Variants in MTCL2 observed in about 807,000 individuals in gnomAD.
MTCL2 encodes microtubule crosslinking factor 2.
At chr20:36,786,760 G>T in the MTCL2 span, 3 of 953,698 alleles carry the variant, frequency 3.1e-6, no homozygotes, top group South Asian at 1.7e-5. Flanking sequence ...CCCAGGGGCT[G>T]AAGCTCCTCA....
the MTCL2 span, among the ~76,000 whole-genome samples, chr20:36,811,567 T>C: frequency 6.6e-6 from 1 of 151,560 alleles, no homozygotes; most frequent in East Asian, 1.9e-4. Flanking sequence ...GAAATGGAGG[T>C]TACAGTGAGC....
At chr20:36,856,376 T>A in the MTCL2 span, among the ~76,000 whole-genome samples, 1 of 152,222 alleles carries the variant, frequency 6.6e-6, no homozygotes, top group African/African-American at 2.4e-5. Flanking sequence ...CCAGCCAGAA[T>A]GGGGCACCCT....
chr20:36,832,423 C>A, the MTCL2 span, among the ~76,000 whole-genome samples: 4 of 152,218 alleles, frequency 2.6e-5, no homozygotes, highest in Non-Finnish European at 5.9e-5. Context: ...GGTTCATGAA[C>A]AACTCTATGG....
chr20:36,854,767 C>A, the MTCL2 span, among the ~76,000 whole-genome samples: 1 of 152,192 alleles, frequency 6.6e-6, no homozygotes, highest in Non-Finnish European at 1.5e-5. Flanking sequence ...AGAGGCTGAG[C>A]TTTTCCTTGT....
the MTCL2 span, chr20:36,777,694 A>C: frequency 1.2e-5 from 6 of 509,424 alleles, no homozygotes; most frequent in Non-Finnish European, 2.1e-5. Context: ...CTTCCCTCCC[A>C]TGGGCCTTGC....
the MTCL2 span, among the ~76,000 whole-genome samples, chr20:36,828,109 A>G: frequency 1.3e-5 from 2 of 152,360 alleles, no homozygotes; most frequent in South Asian, 2.1e-4. Flanking sequence ...GCCTGCAGCG[A>G]GGAGTGTGCC....
At chr20:36,809,578 CTTT>C in the MTCL2 span, among the ~76,000 whole-genome samples, 6 of 124,170 alleles carry the variant, frequency 4.8e-5, no homozygotes, top group Admixed American at 8.2e-5. Context: ...TTCTTTCATT[CTTT>C]TTTTTTTTTT....
chr20:36,780,822 T>C, the MTCL2 span: 1 of 152,204 alleles, frequency 6.6e-6, no homozygotes, highest in African/African-American at 2.4e-5. Context: ...GAAAACATCC[T>C]TGCATCTTAG....
At chr20:36,808,201 C>A in the MTCL2 span, among the ~76,000 whole-genome samples, 20 of 150,460 alleles carry the variant, frequency 1.3e-4, no homozygotes, top group South Asian at 3.9e-3. Context: ...ACTTAAAATA[C>A]AAAAATTAGC....
the MTCL2 span, among the ~76,000 whole-genome samples, chr20:36,831,920 T>G: frequency 6.6e-6 from 1 of 152,322 alleles, no homozygotes; most frequent in Non-Finnish European, 1.5e-5. Flanking sequence ...TTCCATTCAT[T>G]AACTCACTCA....
At chr20:36,777,666 C>T in the MTCL2 span, 2 of 483,824 alleles carry the variant, frequency 4.1e-6, no homozygotes, top group Non-Finnish European at 7.5e-6. Context: ...ACAGTTGGCC[C>T]AAGGATGCCC....
At chr20:36,783,618 A>T in the MTCL2 span, 1 of 219,960 alleles carries the variant, frequency 4.5e-6, no homozygotes, top group Non-Finnish European at 7.7e-6. Context: ...AAAGGCAGAG[A>T]GGCAGGAGGA....
the MTCL2 span, chr20:36,862,861 G>T: frequency 8.1e-6 from 10 of 1,229,852 alleles, no homozygotes; most frequent in South Asian, 3.2e-4. Flanking sequence ...GAGGGCGCGG[G>T]CTGGGCCGGC....
At chr20:36,826,029 C>T in the MTCL2 span, among the ~76,000 whole-genome samples, 8 of 149,740 alleles carry the variant, frequency 5.3e-5, no homozygotes, top group Admixed American at 6.6e-5. Context: ...TTCTTTGAGA[C>T]GGAGTCCCGT....
chr20:36,859,584 G>A, the MTCL2 span: 2 of 1,231,218 alleles, frequency 1.6e-6, no homozygotes, highest in African/African-American at 1.5e-5. Context: ...CTTCTCTGTA[G>A]AAGCTCCTTC....
At chr20:36,789,656 C>T in the MTCL2 span, among the ~76,000 whole-genome samples, 1 of 150,696 alleles carries the variant, frequency 6.6e-6, no homozygotes, top group African/African-American at 2.4e-5. Flanking sequence ...CAGAGTGAGG[C>T]TCCGTCTCAA....
At chr20:36,804,386 G>A in the MTCL2 span, among the ~76,000 whole-genome samples, 5 of 152,188 alleles carry the variant, frequency 3.3e-5, no homozygotes, top group Admixed American at 6.5e-5. Context: ...CCCATTTTGC[G>A]TGGAGGGAGC....
At chr20:36,842,092 G>C in the MTCL2 span, among the ~76,000 whole-genome samples, 1 of 152,132 alleles carries the variant, frequency 6.6e-6, no homozygotes, top group Non-Finnish European at 1.5e-5. Context: ...GGCAGCTTCT[G>C]CTACCGCTGT....
At chr20:36,789,828 T>A in the MTCL2 span, among the ~76,000 whole-genome samples, 1 of 152,126 alleles carries the variant, frequency 6.6e-6, no homozygotes, top group Admixed American at 6.5e-5. Flanking sequence ...GACTTTATTA[T>A]TTATTTATTT....
Sources: allele counts gnomAD v4.1 joint callset (sites outside exome capture counted in the v4.1 genomes callset), GRCh38; gene constraint gnomAD v4.1.1; transcripts MANE v1.5; gene names NCBI Gene and HGNC (gene_info 2026-07-23, HGNC 2026-07-21).